The following SGCZ variants were observed in gnomAD, a reference collection of about 807,000 sequenced individuals.
The protein encoded by SGCZ is zeta-sarcoglycan.
Under a neutral mutation model 41.3 loss-of-function variants are expected in SGCZ, and 40 were observed. That is an observed-to-expected ratio of 0.97 (90% CI 0.75 to 1.26). SGCZ has a LOEUF of 1.26. Among genes scored for constraint, SGCZ ranks in the 50% most tolerant of loss-of-function variants. The pLI is 0.00. For missense variants in SGCZ, 552 were observed against 369.8 expected (o/e 1.49, Z -4.04); for synonymous variants, 206 against 137.5 (o/e 1.50, Z -3.49).
intron 1 of SGCZ, among the ~76,000 whole-genome samples, chr8:15,127,154 G>A (rs1358262352): frequency 1.3e-5 from 2 of 151,880 alleles, no homozygotes; most frequent in Non-Finnish European, 2.9e-5. Flanking sequence ...GAACTATAGG[G>A]TAGTCAAAGA....
At chr8:14,394,448 C>T (rs1013678834) in intron 2 of SGCZ, among the ~76,000 whole-genome samples, 1 of 152,136 alleles carries the variant, frequency 6.6e-6, no homozygotes, top group Non-Finnish European at 1.5e-5. Context: ...CGTGCCCAGC[C>T]CACTTCCCTA....
At chr8:14,702,601 C>T (rs541465817) in intron 1 of SGCZ, among the ~76,000 whole-genome samples, 1 of 151,882 alleles carries the variant, frequency 6.6e-6, no homozygotes, top group East Asian at 1.9e-4. Flanking sequence ...AACCAACCCT[C>T]CCTTCAGTGT....
chr8:14,218,933 C>G (rs28635587), intron 4 of SGCZ, among the ~76,000 whole-genome samples: 1,626 of 152,328 alleles, frequency 0.011, 24 homozygotes, highest in African/African-American at 0.037. Context: ...AGCTGATTCT[C>G]TTACAGCTAC....
At chr8:14,820,859 A>T (rs1255229925) in intron 1 of SGCZ, among the ~76,000 whole-genome samples, 1 of 146,146 alleles carries the variant, frequency 6.8e-6, no homozygotes, top group Non-Finnish European at 1.5e-5. Flanking sequence ...TTAGCAATAA[A>T]CCCCTAGATC....
chr8:14,324,624 T>C (rs114483760), intron 2 of SGCZ, among the ~76,000 whole-genome samples: 4 of 152,256 alleles, frequency 2.6e-5, no homozygotes, highest in African/African-American at 9.6e-5. Context: ...CAGAGTCACA[T>C]TGATACAATA....
chr8:15,128,092 C>T (rs913960200), intron 1 of SGCZ, among the ~76,000 whole-genome samples: 5 of 152,112 alleles, frequency 3.3e-5, no homozygotes, highest in Non-Finnish European at 7.4e-5. Flanking sequence ...TTTAAAGATA[C>T]CATGTGCCAA....
chr8:14,628,618 T>C (rs1020739955), intron 1 of SGCZ, among the ~76,000 whole-genome samples: 2 of 152,060 alleles, frequency 1.3e-5, no homozygotes, highest in Admixed American at 6.6e-5. Flanking sequence ...TCTTGTCAAA[T>C]AGCTGATTAG....
At chr8:14,913,588 G>C (rs1051238697) in intron 1 of SGCZ, among the ~76,000 whole-genome samples, 5 of 151,878 alleles carry the variant, frequency 3.3e-5, no homozygotes, top group African/African-American at 1.2e-4. Flanking sequence ...GGTCTGTAAC[G>C]GATTAGTGTT....
At chr8:14,656,018 G>T (rs1236195221) in intron 1 of SGCZ, among the ~76,000 whole-genome samples, 1 of 152,098 alleles carries the variant, frequency 6.6e-6, no homozygotes, top group Non-Finnish European at 1.5e-5. Context: ...AAGCACATCA[G>T]GGTTGCTTCC....
chr8:15,233,175 G>C (rs1453128289), intron 1 of SGCZ, among the ~76,000 whole-genome samples: 2 of 151,658 alleles, frequency 1.3e-5, no homozygotes, highest in Admixed American at 6.6e-5. Flanking sequence ...TATAAGGCAG[G>C]CTGCTAAAAA....
At chr8:14,386,201 C>T (rs772815781) in intron 2 of SGCZ, among the ~76,000 whole-genome samples, 3 of 151,758 alleles carry the variant, frequency 2.0e-5, no homozygotes, top group Non-Finnish European at 4.4e-5. Flanking sequence ...GTCAAATCAA[C>T]ACTTATTGAA....
chr8:15,115,138 T>C (rs185640648), intron 1 of SGCZ, among the ~76,000 whole-genome samples: 13 of 152,314 alleles, frequency 8.5e-5, no homozygotes, highest in Admixed American at 2.6e-4. Flanking sequence ...CAGTAGAGTC[T>C]TGACTCCATG....
intron 1 of SGCZ, among the ~76,000 whole-genome samples, chr8:14,696,782 AG>A: frequency 6.6e-6 from 1 of 151,822 alleles, no homozygotes; most frequent in Non-Finnish European, 1.5e-5. Context: ...GTTTGCCAAA[AG>A]GGGGATGTAT....
chr8:14,178,471 T>C (rs1160594976), intron 4 of SGCZ, among the ~76,000 whole-genome samples: 1 of 152,238 alleles, frequency 6.6e-6, no homozygotes. Flanking sequence ...ATAATTTAGA[T>C]CCAGCTGTCT....
rs193265621 is a variant in SGCZ, at chr8:15,103,510, A to C, written c.39+134075T>G. ...AAAACAAATGGAAATAAAAAGAGAGAGTTATCAGGGACCAAACAGTGAAAC... is the reference window on the plus strand; with the variant it reads ...AAAACAAATGGAAATAAAAAGAGAGCGTTATCAGGGACCAAACAGTGAAAC... On this transcript the variant is annotated intron_variant, in intron 1 of 7. Coordinates refer to ENST00000382080, the MANE Select transcript of SGCZ (RefSeq NM_139167.4). Among the ~76,000 whole-genome samples the C allele has an allele frequency of 1.7e-3, 263 of 152,270 alleles. 1 individual carries two copies. Among genetic ancestry groups the C allele is most frequent in the African/African-American group, 5.9e-3 (245 of 41,574 alleles).
intron 1 of SGCZ, among the ~76,000 whole-genome samples, chr8:15,194,703 G>A (rs1800664299): frequency 1.3e-5 from 2 of 152,142 alleles, no homozygotes; most frequent in Admixed American, 1.3e-4. Context: ...TGAAGATGGA[G>A]GAGGACCATA....
At chr8:14,474,098 C>T (rs1801290800) in intron 2 of SGCZ, among the ~76,000 whole-genome samples, 2 of 152,030 alleles carry the variant, frequency 1.3e-5, no homozygotes, top group Non-Finnish European at 2.9e-5. Context: ...GAAATAGAAT[C>T]TTTCTATTGA....
At chr8:14,147,241 C>A (rs1176086637) in intron 5 of SGCZ, among the ~76,000 whole-genome samples, 2 of 151,892 alleles carry the variant, frequency 1.3e-5, no homozygotes, top group African/African-American at 4.8e-5. Flanking sequence ...AGAAAATGGA[C>A]TAAATTATCC....
chr8:14,895,223 G>A (rs1176841824), intron 1 of SGCZ, among the ~76,000 whole-genome samples: 1 of 152,100 alleles, frequency 6.6e-6, no homozygotes, highest in Non-Finnish European at 1.5e-5. Context: ...TGGTGTGGTG[G>A]TTACTTGGGT....
Sources: allele counts gnomAD v4.1 joint callset (sites outside exome capture counted in the v4.1 genomes callset), GRCh38; gene constraint gnomAD v4.1.1; transcripts MANE v1.5; gene names NCBI Gene and HGNC (gene_info 2026-07-23, HGNC 2026-07-21).